The following WDR72 variants were observed in gnomAD, a reference collection of about 807,000 sequenced individuals.
The protein encoded by WDR72 is WD repeat-containing protein 72.
In WDR72, 120 loss-of-function variants were observed where a neutral mutation model predicts 124.2. The ratio of observed to expected loss-of-function variants is 0.97; its 90% confidence interval spans 0.83 to 1.12. The LOEUF is 1.12. WDR72 is among the 50% of genes most tolerant of loss of function. The pLI, the probability that WDR72 is intolerant of heterozygous loss-of-function variation, is 0.00. For missense variants in WDR72, 1,387 were observed against 1,278.8 expected, an observed-to-expected ratio of 1.08 and a Z score of -1.29; for synonymous variants, 452 against 441.7, an observed-to-expected ratio of 1.02 and a Z score of -0.29.
intron 14 of WDR72, among the ~76,000 whole-genome samples, chr15:53,635,320 T>A (rs2014583887): frequency 6.6e-6 from 1 of 152,210 alleles, no homozygotes; most frequent in Non-Finnish European, 1.5e-5. Context: ...TGACTATTGT[T>A]TTAATTTAGA....
chr15:53,602,393 CTT>C (rs1414945239), intron 17 of WDR72, among the ~76,000 whole-genome samples: 1 of 151,722 alleles, frequency 6.6e-6, no homozygotes, highest in Non-Finnish European at 1.5e-5. Context: ...AGAAAGATCT[CTT>C]GTTAACAGCC....
chr15:53,651,159 C>T (rs539439423), intron 14 of WDR72, among the ~76,000 whole-genome samples: 3 of 152,220 alleles, frequency 2.0e-5, no homozygotes, highest in African/African-American at 7.2e-5. Context: ...CTCATTCCTA[C>T]TTTAGGCCTT....
At chr15:53,666,479 TA>T (rs912647463) in intron 13 of WDR72, among the ~76,000 whole-genome samples, 3 of 152,164 alleles carry the variant, frequency 2.0e-5, no homozygotes, top group African/African-American at 7.2e-5. Flanking sequence ...AATGCTTTTA[TA>T]AAATACAATG....
At chr15:53,525,952 C>T (rs72745136) in intron 18 of WDR72, among the ~76,000 whole-genome samples, 2,495 of 152,142 alleles carry the variant, frequency 0.016, 32 homozygotes, top group Non-Finnish European at 0.022. Flanking sequence ...TACTGCCATT[C>T]TACTTTTTCC....
intron 14 of WDR72, among the ~76,000 whole-genome samples, chr15:53,635,581 A>G (rs578252651): frequency 5.3e-5 from 8 of 152,270 alleles, no homozygotes; most frequent in Admixed American, 1.3e-4. Context: ...AAGGAAATTA[A>G]AGCTGCAACA....
intron 18 of WDR72, among the ~76,000 whole-genome samples, chr15:53,544,402 G>C (rs1434758303): frequency 8.7e-6 from 1 of 114,672 alleles, no homozygotes; most frequent in African/African-American, 3.7e-5. Context: ...CAGAGCCAAA[G>C]ACAAAAACCA....
In WDR72 at chr15:53,513,922, T is replaced by C. The variant is rs1328346440; in HGVS notation, c.*3777A>G. 6.6e-6 allele frequency: 1 copy of C among 152,110 alleles called. No individual in the cohort carries two copies. The highest frequency in any genetic ancestry group is 1.9e-4 in the East Asian group (1 of 5,186). The allele number at this position is 152,110 out of a possible 1,614,324, so 9.4% of individuals were successfully genotyped here. Reference sequence around the variant, plus strand: ...CATGCTGTCTTCCAGGGGTCCCAAATTGGATGGGTGTTTCCAGTGGCATGC... The same window carrying C: ...CATGCTGTCTTCCAGGGGTCCCAAACTGGATGGGTGTTTCCAGTGGCATGC... On this transcript the variant is annotated 3_prime_UTR_variant, in exon 20 of 20. Coordinates refer to ENST00000360509, the MANE Select transcript of WDR72 (RefSeq NM_182758.4).
intron 3 of WDR72, among the ~76,000 whole-genome samples, chr15:53,721,348 T>C (rs2017871272): frequency 6.6e-6 from 1 of 152,166 alleles, no homozygotes; most frequent in Non-Finnish European, 1.5e-5. Flanking sequence ...TTTTCAGACC[T>C]TTTTCTCAGT....
chr15:53,633,728 C>T (rs2014519430), intron 14 of WDR72, among the ~76,000 whole-genome samples: 1 of 152,116 alleles, frequency 6.6e-6, no homozygotes, highest in South Asian at 2.1e-4. Flanking sequence ...ATAAAATATT[C>T]TATATTAAAA....
At chr15:53,735,698 T>C (rs1275685850) in intron 1 of WDR72, among the ~76,000 whole-genome samples, 1 of 152,056 alleles carries the variant, frequency 6.6e-6, no homozygotes, top group African/African-American at 2.4e-5. Flanking sequence ...TAGCAAATAA[T>C]CTTACAATAA....
In WDR72 at chr15:53,613,735, G is replaced by A. The variant is rs763277590; in HGVS notation, c.2803C>T (p.His935Tyr). 6.8e-6 allele frequency: 11 copies of A among 1,607,496 alleles called. No individual in the cohort carries two copies. In the South Asian group the frequency reaches 9.9e-5, roughly 14 times the overall value. The change falls in exon 16 of 20, where the codon CAT becomes TAT. Residue 935 changes from histidine to tyrosine, a missense_variant. Transcript: ENST00000360509. Reference sequence around the variant, plus strand: ...TTCCCAGCACCTCTCATCTTATTATGTATACTTTCCATTCTGAAAGAACTG... The same window carrying A: ...TTCCCAGCACCTCTCATCTTATTATATATACTTTCCATTCTGAAAGAACTG... ...VGSSFRMESI[H>Y]NKMRGAGNDI...
At chr15:53,709,927 A>G (rs2017485734) in intron 9 of WDR72, among the ~76,000 whole-genome samples, 2 of 152,326 alleles carry the variant, frequency 1.3e-5, no homozygotes, top group African/African-American at 2.4e-5. Context: ...TGACACATCA[A>G]TAATTCAAAA....
At chr15:53,734,301 A>G (rs896030019) in intron 1 of WDR72, among the ~76,000 whole-genome samples, 9 of 152,142 alleles carry the variant, frequency 5.9e-5, no homozygotes, top group Non-Finnish European at 1.3e-4. Context: ...TCTAGTCTAT[A>G]ATACACTTGC....
intron 18 of WDR72, among the ~76,000 whole-genome samples, chr15:53,524,977 C>G (rs74017404): frequency 0.033 from 4,998 of 152,070 alleles, 224 homozygotes; most frequent in African/African-American, 0.1. Context: ...ATTATCTTTT[C>G]AATGGATCTG....
intron 19 of WDR72, among the ~76,000 whole-genome samples, chr15:53,522,863 G>C (rs544636936): frequency 1.3e-5 from 2 of 151,964 alleles, no homozygotes; most frequent in South Asian, 4.2e-4. Flanking sequence ...GTCCACTTCC[G>C]CTCCCCTCTT....
chr15:53,523,722 T>C (rs929508216), intron 18 of WDR72, among the ~76,000 whole-genome samples: 1 of 152,064 alleles, frequency 6.6e-6, no homozygotes, highest in Admixed American at 6.6e-5. Flanking sequence ...GGTGGCAATG[T>C]TTCCTCTCAC....
At chr15:53,574,669 T>A (rs969600204) in intron 18 of WDR72, among the ~76,000 whole-genome samples, 1 of 152,182 alleles carries the variant, frequency 6.6e-6, no homozygotes, top group Non-Finnish European at 1.5e-5. Flanking sequence ...TTTCTTGAAA[T>A]AATTTTTTTC....
intron 14 of WDR72, among the ~76,000 whole-genome samples, chr15:53,622,035 A>G (rs931491907): frequency 9.2e-5 from 14 of 152,300 alleles, no homozygotes; most frequent in Admixed American, 9.2e-4. Flanking sequence ...GCTCATAATC[A>G]CTGATCATTA....
intron 1 of WDR72, among the ~76,000 whole-genome samples, chr15:53,755,185 G>A (rs1362628912): frequency 6.6e-6 from 1 of 152,000 alleles, no homozygotes; most frequent in African/African-American, 2.4e-5. Flanking sequence ...TGATCTCACT[G>A]GAAAAAAGAA....
Sources: allele counts gnomAD v4.1 joint callset (sites outside exome capture counted in the v4.1 genomes callset), GRCh38; gene constraint gnomAD v4.1.1; transcripts MANE v1.5; gene names NCBI Gene and HGNC (gene_info 2026-07-23, HGNC 2026-07-21).